Variants in SI observed in about 807,000 individuals in gnomAD.
SI encodes sucrase-isomaltase.
Under a neutral mutation model 253.3 loss-of-function variants are expected in SI, and 235 were observed. The ratio of observed to expected loss-of-function variants is 0.93; its 90% CI spans 0.83 to 1.03. The LOEUF (loss-of-function observed/expected upper bound fraction) is 1.03. SI is among the 50% of genes least tolerant of loss of function. The pLI is 0.00. For missense variants in SI, 2,442 were observed against 2,211.1 expected, an observed-to-expected ratio of 1.10 and a Z score of -2.09; for synonymous variants, 819 against 712.0, an observed-to-expected ratio of 1.15 and a Z score of -2.39.
chr3:165,037,103 A>C (rs777448762), intron 21 of SI, among the ~76,000 whole-genome samples: 3 of 151,874 alleles, frequency 2.0e-5, no homozygotes, highest in Non-Finnish European at 4.4e-5. Flanking sequence ...TTTTGAGAAC[A>C]TACTCTTGTA....
intron 44 of SI, among the ~76,000 whole-genome samples, chr3:164,989,765 G>C (rs893860218): frequency 1.3e-5 from 2 of 152,138 alleles, no homozygotes; most frequent in East Asian, 3.9e-4. Context: ...AAAGAAATGA[G>C]ATACAACCCA....
chr3:165,031,538 C>T (rs920874922), intron 24 of SI, among the ~76,000 whole-genome samples: 4 of 149,560 alleles, frequency 2.7e-5, no homozygotes, highest in African/African-American at 9.7e-5. Context: ...TCTTATAGTG[C>T]TAGGAAATAT....
chr3:165,072,537 A>T (rs1384243663), intron 3 of SI, among the ~76,000 whole-genome samples: 1 of 152,042 alleles, frequency 6.6e-6, no homozygotes, highest in East Asian at 1.9e-4. Flanking sequence ...TTTCAGGTAG[A>T]TTTCATTTTT....
At chr3:165,081,133 A>C (rs964021635), upstream of SI, among the ~76,000 whole-genome samples, 5 of 152,074 alleles carry the variant, frequency 3.3e-5, no homozygotes, top group Admixed American at 3.3e-4. Context: ...TCACAAAATA[A>C]ATGTATTCAA....
intron 33 of SI, among the ~76,000 whole-genome samples, chr3:165,014,229 C>G (rs556422672): frequency 5.3e-5 from 8 of 152,224 alleles, no homozygotes; most frequent in African/African-American, 1.9e-4. Flanking sequence ...TTGTGTCTCT[C>G]ATCATAGATT....
chr3:165,020,468 G>A (rs1226881709), intron 27 of SI, among the ~76,000 whole-genome samples: 3 of 151,542 alleles, frequency 2.0e-5, no homozygotes, highest in Admixed American at 1.3e-4. Flanking sequence ...CGAGAATAAT[G>A]CTTGTCAAAT....
At chr3:164,981,068 G>A (rs1366332809) in intron 47 of SI, among the ~76,000 whole-genome samples, 1 of 151,782 alleles carries the variant, frequency 6.6e-6, no homozygotes, top group Non-Finnish European at 1.5e-5. Context: ...CAGGTATTCT[G>A]GAATTTTATA....
At chr3:165,029,355 T>A (rs749940622) in intron 25 of SI, among the ~76,000 whole-genome samples, 5 of 150,756 alleles carry the variant, frequency 3.3e-5, no homozygotes, top group Non-Finnish European at 7.4e-5. Context: ...GTACAACCAC[T>A]ATGGACAACA....
At chr3:164,994,083 C>T (rs1717900695) in intron 41 of SI, among the ~76,000 whole-genome samples, 174 bp downstream of exon 41, 1 of 151,586 alleles carries the variant, frequency 6.6e-6, no homozygotes, top group Non-Finnish European at 1.5e-5. Flanking sequence ...TTATGCTAGT[C>T]TATTTATTAA....
At chr3:164,987,265 G>T in intron 44 of SI, 39 bp from the exon 45 acceptor site, 1 of 1,502,140 alleles carries the variant, frequency 6.7e-7, no homozygotes, top group South Asian at 1.1e-5. Context: ...CATGTTTGTA[G>T]AATAGCATAT....
At chr3:164,996,384 C>CA in intron 40 of SI, 151 bp downstream of exon 40, 5 of 609,054 alleles carry the variant, frequency 8.2e-6, no homozygotes, top group South Asian at 2.0e-5. Flanking sequence ...CCCAGATACT[C>CA]AAAAAAAGTT....
At chr3:164,995,713 C>A (rs1054274807) in intron 40 of SI, among the ~76,000 whole-genome samples, 1 of 151,706 alleles carries the variant, frequency 6.6e-6, no homozygotes, top group African/African-American at 2.4e-5. Context: ...TCATTTAATA[C>A]CTTTCTGAGC....
At position 165,018,074 on chromosome 3, in the gene SI, A is replaced by T. The variant is rs1348894728; in HGVS notation, c.3424-8T>A. ...ATAGGAATTAAGTTTGTACTGAAAT[A>T]CGAAAAATAAGCACAATATATTTTA... On this transcript the variant is annotated splice_polypyrimidine_tract_variant and splice_region_variant and intron_variant, in intron 28 of 47. Transcript: ENST00000264382. 6.7e-7 allele frequency: 1 copy of T among 1,486,654 alleles called. No homozygotes were observed. The highest frequency in any genetic ancestry group is 9.4e-7 in the Non-Finnish European group (1 of 1,064,196). 92.1% of individuals were successfully genotyped at this position (1,486,654 alleles called of 1,614,324 possible).
chr3:165,018,298 TAGAA>T (rs745508032), intron 28 of SI, among the ~76,000 whole-genome samples: 14,995 of 150,764 alleles, frequency 0.099, 1,076 homozygotes, highest in Non-Finnish European at 0.14. Flanking sequence ...TGTATATTAA[TAGAA>T]ATTAATATAC....
chr3:165,037,887 T>G lies in SI; in HGVS notation c.2426+13A>C. On this transcript the variant is annotated intron_variant, in intron 21 of 47. Transcript: ENST00000264382. Reference sequence around the variant, plus strand: ...TTTTATTTTAGATTTCAACTAATGATTTTTCATTTTACCTTGCTGTTGTTG... The same window carrying G: ...TTTTATTTTAGATTTCAACTAATGAGTTTTCATTTTACCTTGCTGTTGTTG... 6.4e-7 allele frequency: 1 copy of G among 1,552,496 alleles called. No homozygotes were observed. The highest frequency in any genetic ancestry group is 1.7e-4 in the Middle Eastern group (1 of 5,930).
chr3:165,040,355 C>A (rs902264602), intron 18 of SI, among the ~76,000 whole-genome samples: 1 of 151,958 alleles, frequency 6.6e-6, no homozygotes, highest in African/African-American at 2.4e-5. Context: ...TCAGAAAAAT[C>A]TATCACAGAT....
intron 15 of SI, among the ~76,000 whole-genome samples, chr3:165,048,308 TG>T (rs1713232301): frequency 6.6e-6 from 1 of 151,854 alleles, no homozygotes; most frequent in Non-Finnish European, 1.5e-5. Flanking sequence ...TTTCTTCTTT[TG>T]TTTTGTATCA....
intron 12 of SI, among the ~76,000 whole-genome samples, chr3:165,058,740 A>G (rs1713825364): frequency 6.6e-6 from 1 of 151,868 alleles, no homozygotes; most frequent in Non-Finnish European, 1.5e-5. Flanking sequence ...TTTATCTGGT[A>G]TATCTTTACA....
Position 165,067,338 on chromosome 3 carries a change from A to G in SI, c.635+2T>C, listed in dbSNP as rs1185991890. 2 of 1,600,492 alleles carry G rather than the reference A, an allele frequency of 1.2e-6. No individual in the cohort carries two copies. Among genetic ancestry groups the G allele is most frequent in the Non-Finnish European group, 1.7e-6 (2 of 1,169,132 alleles). On this transcript the variant is annotated splice_donor_variant, in intron 6 of 47. Coordinates refer to ENST00000264382, the MANE Select transcript of SI (RefSeq NM_001041.4). LOFTEE classifies it high-confidence loss of function. ...TATATAATTGTAAAATAATACACTT[A>G]CAAAGTTTTACCGTTGCTTTTCCTA...
Sources: allele counts gnomAD v4.1 joint callset (sites outside exome capture counted in the v4.1 genomes callset), GRCh38; gene constraint gnomAD v4.1.1; transcripts MANE v1.5; gene names NCBI Gene and HGNC (gene_info 2026-07-23, HGNC 2026-07-21).